RBFOX1: variants seen among roughly 807,000 people sequenced by gnomAD.
RBFOX1 encodes RNA binding protein fox-1 homolog 1.
Under a neutral mutation model 57.7 loss-of-function variants are expected in RBFOX1, and 8 were observed. The ratio of observed to expected loss-of-function variants is 0.14; its 90% CI spans 0.08 to 0.25. The LOEUF (loss-of-function observed/expected upper bound fraction) is 0.25, where lower values mean the gene tolerates loss of function less well. Ranked by LOEUF, RBFOX1 falls within the 10% of genes least tolerant of loss-of-function variation. The probability of loss-of-function intolerance (pLI) is 1.00; values close to 1 mark genes in which losing one functional copy is unlikely to be tolerated. For synonymous variants in RBFOX1, 326 were observed against 222.4 expected, an observed-to-expected ratio of 1.47 and a Z score of -4.15; for missense variants, 611 against 548.5, an observed-to-expected ratio of 1.11 and a Z score of -1.14.
At chr16:7,693,555 A>AT (rs1223774099) in intron 14 of RBFOX1, among the ~76,000 whole-genome samples, 1 of 151,746 alleles carries the variant, frequency 6.6e-6, no homozygotes, top group Non-Finnish European at 1.5e-5. Flanking sequence ...GACATTAGGC[A>AT]TTTTGCTAAC....
chr16:7,102,219 C>A (rs959899197), intron 4 of RBFOX1, among the ~76,000 whole-genome samples: 1 of 152,138 alleles, frequency 6.6e-6, no homozygotes, highest in Admixed American at 6.6e-5. Flanking sequence ...TGAGGAAATT[C>A]GGGCTGGAGA....
chr16:6,204,402 G>C (rs746479519), intron 1 of RBFOX1, among the ~76,000 whole-genome samples: 1 of 152,110 alleles, frequency 6.6e-6, no homozygotes, highest in Non-Finnish European at 1.5e-5. Flanking sequence ...ATCCACCTTT[G>C]TTATGTTTTT....
intron 4 of RBFOX1, among the ~76,000 whole-genome samples, chr16:7,075,335 A>G (rs545023362): frequency 6.6e-6 from 1 of 152,346 alleles, no homozygotes; most frequent in South Asian, 2.1e-4. Flanking sequence ...AGGTTGCCCA[A>G]AAGAACTCTA....
intron 4 of RBFOX1, among the ~76,000 whole-genome samples, chr16:7,130,864 G>A (rs2070137366): frequency 6.6e-6 from 1 of 152,068 alleles, no homozygotes; most frequent in Admixed American, 6.6e-5. Context: ...CAATCCTGGG[G>A]TGCCATCAAG....
intron 2 of RBFOX1, among the ~76,000 whole-genome samples, chr16:5,509,897 A>G (rs534440421): frequency 3.7e-4 from 56 of 152,188 alleles, no homozygotes; most frequent in African/African-American, 1.3e-3. Flanking sequence ...CGAGTGGAGG[A>G]TCCCTTGAAG....
exon 3 of RBFOX1, chr16:5,599,411 G>A (rs1467139694): frequency 1.7e-6 from 1 of 578,138 alleles, no homozygotes; most frequent in East Asian, 2.8e-5. Flanking sequence ...TGGAGTCACT[G>A]GGGTACATAA....
chr16:7,455,863 C>G (rs973921223), intron 4 of RBFOX1, among the ~76,000 whole-genome samples: 5 of 150,346 alleles, frequency 3.3e-5, no homozygotes, highest in Admixed American at 6.6e-5. Flanking sequence ...GACATTGAAA[C>G]TTACTATGAG....
At chr16:5,613,584 G>T (rs766451198) in intron 3 of RBFOX1, among the ~76,000 whole-genome samples, 1 of 152,144 alleles carries the variant, frequency 6.6e-6, no homozygotes, top group Admixed American at 6.5e-5. Context: ...TGATAAAGAC[G>T]CCAGCATGTC....
intron 4 of RBFOX1, among the ~76,000 whole-genome samples, chr16:7,392,132 C>A (rs1033779711): frequency 4.6e-5 from 7 of 152,306 alleles, no homozygotes; most frequent in African/African-American, 1.7e-4. Context: ...ATTCTGTACA[C>A]GCTTTTCCTC....
At chr16:5,516,736 G>C (rs1272821915) in intron 2 of RBFOX1, among the ~76,000 whole-genome samples, 1 of 152,050 alleles carries the variant, frequency 6.6e-6, no homozygotes, top group Non-Finnish European at 1.5e-5. Flanking sequence ...TTTGCATGCT[G>C]TTCTCGAGAT....
At chr16:6,587,644 A>G (rs929891648) in intron 2 of RBFOX1, among the ~76,000 whole-genome samples, 4 of 152,060 alleles carry the variant, frequency 2.6e-5, no homozygotes, top group African/African-American at 9.7e-5. Context: ...ACAGACAAGT[A>G]AAAAAGAATG....
In RBFOX1 at chr16:7,697,643, A is replaced by G. The variant is rs143594205; in HGVS notation, c.996-11413A>G. On this transcript the variant is annotated intron_variant, in intron 14 of 15. Transcript: ENST00000550418. The stretch of plus-strand genomic sequence containing the variant: ...GTGAAAAAAACATACACTCAGGTCC[A>G]GAAACATTTAGTAGCTTGCCCAGTC... Among the ~76,000 whole-genome samples the G allele has an allele frequency of 8.4e-3, 1,282 of 152,296 alleles. 15 individuals carry two copies. Among genetic ancestry groups the G allele is most frequent in the African/African-American group, 0.023 (967 of 41,566 alleles).
chr16:7,557,990 G>A (rs1298189961), intron 5 of RBFOX1, among the ~76,000 whole-genome samples: 5 of 151,998 alleles, frequency 3.3e-5, no homozygotes. Flanking sequence ...AACCTCAAGA[G>A]CACAGATAAT....
chr16:5,593,307 C>G (rs994130091), intron 2 of RBFOX1, among the ~76,000 whole-genome samples: 10 of 131,610 alleles, frequency 7.6e-5, no homozygotes, highest in Non-Finnish European at 1.6e-4. Context: ...CACATGGACA[C>G]GGGGAGGGGA....
intron 1 of RBFOX1, among the ~76,000 whole-genome samples, chr16:6,247,329 G>T (rs1338465613): frequency 6.6e-6 from 1 of 152,066 alleles, no homozygotes; most frequent in Non-Finnish European, 1.5e-5. Context: ...TGAATCACGT[G>T]GTCTCTTCTC....
chr16:7,158,099 A>G (rs2077513771), intron 4 of RBFOX1, among the ~76,000 whole-genome samples: 1 of 152,174 alleles, frequency 6.6e-6, no homozygotes, highest in Admixed American at 6.6e-5. Flanking sequence ...CTGTAATTCC[A>G]GCATTTTGGG....
chr16:6,964,132 C>G (rs112715447), intron 3 of RBFOX1, among the ~76,000 whole-genome samples: 2,166 of 152,262 alleles, frequency 0.014, 54 homozygotes, highest in African/African-American at 0.05. Flanking sequence ...ATTCTCCTGC[C>G]TCAGCCTCCC....
upstream of RBFOX1, chr16:6,019,008 C>T (rs906973088): frequency 1.2e-6 from 1 of 809,390 alleles, no homozygotes; most frequent in Non-Finnish European, 1.5e-6. This position sits in a 1 kb window ranked among gnomAD's most constrained non-coding sequence, Gnocchi z 4.2. Context: ...GGGGAGGGGG[C>T]GCTCCCTCGC....
chr16:5,301,753 G>A (rs189408281), intron 1 of RBFOX1, among the ~76,000 whole-genome samples: 2 of 151,854 alleles, frequency 1.3e-5, no homozygotes, highest in Non-Finnish European at 2.9e-5. Flanking sequence ...AAAGAACCAC[G>A]TATTACAGCC....
Sources: gnomAD v4.1 joint callset for allele counts (sites outside exome capture counted in the v4.1 genomes callset) on GRCh38, gnomAD v4.1.1 for gene constraint, Gnocchi (gnomAD v3.1) non-coding constraint, MANE v1.5 for transcripts, NCBI Gene and HGNC (gene_info 2026-07-23, HGNC 2026-07-21) for gene names.